The following ZNF420 variants were observed in gnomAD, a reference collection of about 807,000 sequenced individuals.
ZNF420 encodes the protein ATM and p53-associated KZNF protein.
ZNF420 carries 31 observed loss-of-function variants against 44.7 expected under a neutral mutation model. The observed-to-expected ratio is 0.69, with a 90% CI of 0.52 to 0.94. ZNF420 has a LOEUF of 0.94. Ranked by LOEUF, ZNF420 falls within the 40% of genes least tolerant of loss-of-function variation. The pLI, the probability that ZNF420 is intolerant of heterozygous loss-of-function variation, is 0.00. For missense variants in ZNF420, 681 were observed against 827.9 expected, an observed-to-expected ratio of 0.82 and a Z score of 2.18; for synonymous variants, 245 against 267.4, an observed-to-expected ratio of 0.92 and a Z score of 0.82.
intron 3 of ZNF420, among the ~76,000 whole-genome samples, chr19:37,089,927 G>A (rs1334290007): frequency 6.6e-6 from 1 of 152,186 alleles, no homozygotes; most frequent in African/African-American, 2.4e-5. Context: ...TTGATGACAA[G>A]GAAAATGTTT....
intron 1 of ZNF420, among the ~76,000 whole-genome samples, chr19:37,059,907 CTCTG>C (rs1174026103): frequency 5.9e-5 from 9 of 151,560 alleles, no homozygotes; most frequent in African/African-American, 1.7e-4. Context: ...CTCTCTCTCC[CTCTG>C]TCTGTATGTG....
upstream of ZNF420, among the ~76,000 whole-genome samples, chr19:37,076,826 A>G (rs368690218): frequency 1.1e-3 from 174 of 152,298 alleles, no homozygotes; most frequent in African/African-American, 3.8e-3. Context: ...TAGTGCCGCA[A>G]TAAACATACG....
At chr19:37,073,792 G>GA (rs1008572687), upstream of ZNF420, among the ~76,000 whole-genome samples, 1 of 150,430 alleles carries the variant, frequency 6.6e-6, no homozygotes, top group South Asian at 2.1e-4. Flanking sequence ...AAAGAAAAAG[G>GA]AAAAAAAAGA....
In ZNF420 at chr19:37,127,613, T is replaced by C. The variant is rs968861151; in HGVS notation, c.622T>C (p.Ser208Pro). ...ATGTGGGAAGGCCTTTACTCAAAGC[T>C]CACAACTTATTTTACATCATAGAAT... ...KECGKAFTQS[S>P]QLILHHRIHT... Residue 208 changes from serine to proline, a missense_variant, in exon 5 of 5, where the codon TCA becomes CCA. Coordinates refer to ENST00000337995, the MANE Select transcript of ZNF420 (RefSeq NM_144689.5). The C allele has an allele frequency of 6.2e-7, 1 of 1,613,902 alleles. No homozygotes were observed. The highest frequency in any genetic ancestry group is 8.5e-7 in the Non-Finnish European group (1 of 1,179,938).
rs137892377 is a variant in ZNF420 at position 37,128,353 on chromosome 19, A to T, written c.1362A>T (p.Lys454Asn). 1 of 1,613,300 alleles carries T rather than the reference A, an allele frequency of 6.2e-7. No homozygotes were observed. The highest frequency in any genetic ancestry group is 8.5e-7 in the Non-Finnish European group (1 of 1,179,768). The change falls in exon 5 of 5, where the codon AAA (lysine) becomes AAT (asparagine). Residue 454 changes from lysine (K) to asparagine (N), a missense_variant. By Grantham distance (94) the Lys-to-Asn change is moderately conservative. Coordinates refer to ENST00000337995, the MANE Select transcript of ZNF420 (RefSeq NM_144689.5). ...EKPYECKECG[K>N]TFSRGSELTQ... ...CCTATGAATGTAAAGAATGTGGAAA[A>T]ACCTTTAGTCGTGGCTCAGAACTTA...
In ZNF420 at chr19:37,129,984, C is replaced by A. The variant is rs189255599; in HGVS notation, c.*926C>A. 2.1e-4 allele frequency: 314 copies of A among 1,483,292 alleles called. No homozygotes were observed. The African/African-American group carries it at 4.1e-3, about 19-fold the overall frequency. 91.9% of individuals were successfully genotyped at this position (1,483,292 alleles called of 1,614,324 possible). A position where few individuals can be genotyped will look rare whatever the true frequency, so the allele number is the denominator to read the frequency against. On this transcript the variant is annotated 3_prime_UTR_variant, in exon 5 of 5. Transcript: ENST00000337995. The stretch of plus-strand genomic sequence containing the variant: ...GTGATACAGACTGCTTTTTTCCTAC[C>A]CTATATCTATTTTCTCTTTTTTAGT...
At chr19:37,113,077 A>G (rs12459805) in intron 4 of ZNF420, among the ~76,000 whole-genome samples, 2,938 of 152,310 alleles carry the variant, frequency 0.019, 78 homozygotes, top group East Asian at 0.049. Flanking sequence ...ACAAAGGGCT[A>G]AATTGGGAAT....
intron 2 of ZNF420, among the ~76,000 whole-genome samples, chr19:37,087,337 A>T (rs969297415): frequency 4.7e-5 from 7 of 150,338 alleles, no homozygotes; most frequent in South Asian, 4.2e-4. Flanking sequence ...AAATAAATAA[A>T]AATTAAGAGC....
chr19:37,016,660 C>T (rs562247252), intron 1 of ZNF420, among the ~76,000 whole-genome samples: 1 of 152,202 alleles, frequency 6.6e-6, no homozygotes, highest in Non-Finnish European at 1.5e-5. Flanking sequence ...TTTCAGCTTG[C>T]CTTTGTCCTC....
At position 37,015,148 on chromosome 19, in the gene ZNF420, C is replaced by CTGTG. The variant is rs201500365; in HGVS notation, c.-125+7075_-125+7078dup. On this transcript the variant is annotated intron_variant, in intron 1 of 4. Transcript: ENST00000587029. Reference sequence around the variant, plus strand: ...TGGATGTCTCTGTGTGTGTTTCTTTCTGTGTGTGTGTGGTTTCTTGTGAAA... The same window carrying CTGTG: ...TGGATGTCTCTGTGTGTGTTTCTTTCTGTGTGTGTGTGTGTGGTTTCTTGTGAAA... Among the ~76,000 whole-genome samples the CTGTG allele has an allele frequency of 5.0e-3, 769 of 152,288 alleles. 6 individuals are homozygous for CTGTG. The highest frequency in any genetic ancestry group is 0.017 in the Middle Eastern group (5 of 294).
chr19:37,030,590 A>C (rs1380989057), intron 1 of ZNF420, among the ~76,000 whole-genome samples: 1 of 152,226 alleles, frequency 6.6e-6, no homozygotes, highest in East Asian at 1.9e-4. Flanking sequence ...TGTTGTGGCA[A>C]ATGGAAAGAT....
At chr19:37,096,576 G>T (rs1388542436) in intron 4 of ZNF420, among the ~76,000 whole-genome samples, 1 of 152,122 alleles carries the variant, frequency 6.6e-6, no homozygotes, top group Non-Finnish European at 1.5e-5. Context: ...TGTCTGTTCA[G>T]TTTTTTCAGA....
rs1971498270 is a variant in ZNF420, at chr19:37,128,670, A to C, written c.1679A>C (p.Gln560Pro). The C allele has an allele frequency of 3.1e-6, 5 of 1,614,028 alleles. No individual in the cohort carries two copies. The East Asian group carries it at 1.1e-4, about 36-fold the overall frequency. Reference sequence around the variant, plus strand: ...ATTCATACTGGTGAGAAACCATATCAATGTAAGGAATGTGGGAAAGCCTTT... The same window carrying C: ...ATTCATACTGGTGAGAAACCATATCCATGTAAGGAATGTGGGAAAGCCTTT... ...QRIHTGEKPY[Q>P]CKECGKAFIR... Residue 560 changes from glutamine to proline, a missense_variant, in exon 5 of 5, where the codon CAA (glutamine) becomes CCA (proline). Coordinates refer to ENST00000337995, the MANE Select transcript of ZNF420 (RefSeq NM_144689.5).
chr19:37,050,765 G>A (rs951724563), intron 1 of ZNF420, among the ~76,000 whole-genome samples: 1 of 152,168 alleles, frequency 6.6e-6, no homozygotes, highest in East Asian at 1.9e-4. Context: ...AATAGGAGTG[G>A]TGAGAGAGGG....
At chr19:37,065,847 C>T (rs1967959122) in intron 1 of ZNF420, among the ~76,000 whole-genome samples, 1 of 152,066 alleles carries the variant, frequency 6.6e-6, no homozygotes, top group African/African-American at 2.4e-5. Flanking sequence ...TTGAAAATAC[C>T]ATTTGCATTT....
At chr19:37,087,371 T>C (rs1032378123) in intron 2 of ZNF420, among the ~76,000 whole-genome samples, 44 of 151,540 alleles carry the variant, frequency 2.9e-4, no homozygotes, top group Admixed American at 2.6e-4. Context: ...GGAGTTTAGG[T>C]CTTTTAAATT....
intron 4 of ZNF420, among the ~76,000 whole-genome samples, chr19:37,117,302 C>T (rs556569127): frequency 1.4e-4 from 21 of 152,280 alleles, no homozygotes; most frequent in African/African-American, 4.6e-4. Context: ...TCACGAAAAT[C>T]GGCTGTTCTA....
chr19:37,065,217 C>A (rs909963623), intron 1 of ZNF420, among the ~76,000 whole-genome samples: 3 of 152,120 alleles, frequency 2.0e-5, no homozygotes, highest in African/African-American at 7.2e-5. Context: ...CTATCCAAGC[C>A]ACAAGGGATT....
intron 1 of ZNF420, among the ~76,000 whole-genome samples, chr19:37,012,780 G>C (rs867259464): frequency 1.1e-4 from 14 of 125,524 alleles, no homozygotes; most frequent in Non-Finnish European, 2.4e-4. Flanking sequence ...GTGTGTGTGT[G>C]TGTGTGTGTG....
Sources: gnomAD v4.1 joint callset for allele counts (sites outside exome capture counted in the v4.1 genomes callset) on GRCh38, gnomAD v4.1.1 for gene constraint, MANE v1.5 for transcripts, NCBI Gene and HGNC (gene_info 2026-07-23, HGNC 2026-07-21) for gene names.